Variants in LINGO1 observed in about 807,000 individuals in gnomAD.
The protein encoded by LINGO1 is leucine rich repeat and Ig domain containing 1.
In LINGO1, 11 loss-of-function variants were observed where a neutral mutation model predicts 37.3. The ratio of observed to expected loss-of-function variants is 0.29; its 90% confidence interval spans 0.19 to 0.49. The LOEUF is 0.49. Ranked by LOEUF, LINGO1 falls within the 20% of genes least tolerant of loss-of-function variation. The probability of loss-of-function intolerance (pLI) is 0.99; values close to 1 mark genes in which losing one functional copy is unlikely to be tolerated. For synonymous variants in LINGO1, 387 were observed against 403.0 expected, an observed-to-expected ratio of 0.96 and a Z score of 0.48; for missense variants, 585 against 878.2, an observed-to-expected ratio of 0.67 and a Z score of 4.22.
At chr15:77,647,763 C>A in intron 3 of LINGO1, 1 of 431,658 alleles carries the variant, frequency 2.3e-6, no homozygotes, top group Non-Finnish European at 4.7e-6. Flanking sequence ...CTGCTTTGCC[C>A]TTCCCTCTCA....
chr15:77,644,530 G>T (rs1567483941), intron 3 of LINGO1, among the ~76,000 whole-genome samples: 2 of 152,236 alleles, frequency 1.3e-5, no homozygotes, highest in East Asian at 3.8e-4. Flanking sequence ...AAATAAGGAT[G>T]GCATTGGTGG....
chr15:77,730,881 C>T (rs1596165295), intron 2 of LINGO1, among the ~76,000 whole-genome samples: 2 of 152,326 alleles, frequency 1.3e-5, no homozygotes, highest in East Asian at 3.9e-4. Context: ...GGTCCTGGCT[C>T]TTCAGCACCT....
intron 2 of LINGO1, among the ~76,000 whole-genome samples, chr15:77,678,045 A>G (rs1253394568): frequency 6.6e-6 from 1 of 152,040 alleles, no homozygotes; most frequent in Non-Finnish European, 1.5e-5. Flanking sequence ...CCTCCTTCTC[A>G]CAGTCTCCAA....
chr15:77,725,367 G>T (rs1227450939), intron 2 of LINGO1, among the ~76,000 whole-genome samples: 1 of 152,174 alleles, frequency 6.6e-6, no homozygotes, highest in Admixed American at 6.5e-5. Flanking sequence ...AACAGCCTGG[G>T]AAACATATCG....
intron 1 of LINGO1, among the ~76,000 whole-genome samples, chr15:77,631,005 C>T (rs1452116223): frequency 1.3e-5 from 2 of 152,232 alleles, no homozygotes; most frequent in Non-Finnish European, 2.9e-5. Flanking sequence ...GAGCTCCTCC[C>T]TGGCTTATAC....
At chr15:77,704,048 A>T (rs2075818053) in intron 2 of LINGO1, among the ~76,000 whole-genome samples, 1 of 152,198 alleles carries the variant, frequency 6.6e-6, no homozygotes, top group Non-Finnish European at 1.5e-5. Flanking sequence ...TGACCTCAGA[A>T]AGACACTTTA....
chr15:77,781,092 C>G (rs777093900), intron 1 of LINGO1, among the ~76,000 whole-genome samples: 56 of 152,246 alleles, frequency 3.7e-4, no homozygotes, highest in Non-Finnish European at 7.6e-4. Flanking sequence ...AGCCAGCCCG[C>G]AAATCCTCAG....
intron 1 of LINGO1, among the ~76,000 whole-genome samples, chr15:77,774,146 A>G (rs952071684): frequency 1.3e-5 from 2 of 152,098 alleles, no homozygotes; most frequent in Admixed American, 6.5e-5. Flanking sequence ...GGAGAGCCCT[A>G]TACCTCTCCC....
At chr15:77,652,520 G>GTGTGTGTGTGTGTA (rs1471731142) in intron 3 of LINGO1, among the ~76,000 whole-genome samples, 1 of 151,012 alleles carries the variant, frequency 6.6e-6, no homozygotes, top group East Asian at 1.9e-4. Context: ...GTGTGTGTGT[G>GTGTGTGTGTGTGTA]TGTGTGTGTG....
intron 2 of LINGO1, among the ~76,000 whole-genome samples, chr15:77,722,434 C>T (rs532815062): frequency 6.6e-6 from 1 of 152,336 alleles, no homozygotes; most frequent in African/African-American, 2.4e-5. Flanking sequence ...GGAATGAGCA[C>T]TGGCTTTAGA....
chr15:77,746,207 C>CAAA (rs34220013), intron 1 of LINGO1, among the ~76,000 whole-genome samples: 5 of 75,606 alleles, frequency 6.6e-5, no homozygotes, highest in African/African-American at 1.2e-4. Context: ...GACCCTGTCT[C>CAAA]AAAAAAAAAA....
intron 3 of LINGO1, among the ~76,000 whole-genome samples, chr15:77,642,746 C>T (rs2074537360): frequency 6.6e-6 from 1 of 152,244 alleles, no homozygotes; most frequent in South Asian, 2.1e-4. Flanking sequence ...GGAAATCCCC[C>T]AGCAGGGCAT....
intron 3 of LINGO1, among the ~76,000 whole-genome samples, chr15:77,676,306 GC>G (rs1473704576): frequency 6.6e-6 from 1 of 152,240 alleles, no homozygotes; most frequent in African/African-American, 2.4e-5. Flanking sequence ...TGGGGGTTTA[GC>G]CCCCCAACTT....
intron 1 of LINGO1, among the ~76,000 whole-genome samples, chr15:77,777,471 A>G (rs560611574): frequency 0.3 from 14,345 of 47,952 alleles, 888 homozygotes; most frequent in African/African-American, 0.36. Context: ...ACACGCACAC[A>G]CACACACACA....
At chr15:77,656,510 G>A (rs186774196) in intron 3 of LINGO1, among the ~76,000 whole-genome samples, 5 of 152,270 alleles carry the variant, frequency 3.3e-5, no homozygotes, top group Admixed American at 6.5e-5. Flanking sequence ...GCCGCCCTGC[G>A]CCCATATGGT....
chr15:77,786,132 C>T (rs142950159), intron 1 of LINGO1, among the ~76,000 whole-genome samples: 13 of 152,260 alleles, frequency 8.5e-5, no homozygotes, highest in Middle Eastern at 3.4e-3. Context: ...CAAACAGTGC[C>T]GTTAAGACAC....
At chr15:77,685,447 G>A (rs1236964351) in intron 2 of LINGO1, among the ~76,000 whole-genome samples, 1 of 152,170 alleles carries the variant, frequency 6.6e-6, no homozygotes, top group African/African-American at 2.4e-5. Flanking sequence ...GGACATGTCT[G>A]GGGTATGGTG....
chr15:77,768,276 C>CT (rs11372568), intron 1 of LINGO1, among the ~76,000 whole-genome samples: 117,205 of 151,832 alleles, frequency 0.77, 46,782 homozygotes, highest in Non-Finnish European at 0.87. Context: ...GCAGGGTCCC[C>CT]GGGCAGACAG....
chr15:77,722,752 T>C (rs2076062756), intron 2 of LINGO1, among the ~76,000 whole-genome samples: 1 of 151,812 alleles, frequency 6.6e-6, no homozygotes, highest in South Asian at 2.1e-4. Flanking sequence ...TGGTGGAGAG[T>C]GCGTGGGTGT....
Sources: allele counts gnomAD v4.1 joint callset (sites outside exome capture counted in the v4.1 genomes callset), GRCh38; gene constraint gnomAD v4.1.1; transcripts MANE v1.5; gene names NCBI Gene and HGNC (gene_info 2026-07-23, HGNC 2026-07-21).